The following MKRN1 variants were observed in gnomAD, a reference collection of about 807,000 sequenced individuals.
MKRN1 encodes E3 ubiquitin-protein ligase makorin-1.
A neutral mutation model predicts 55.5 loss-of-function variants in MKRN1; 9 were observed. The observed-to-expected ratio is 0.16, with a 90% CI of 0.10 to 0.28. The LOEUF is 0.28. Among genes scored for constraint, MKRN1 ranks in the 10% least tolerant of loss-of-function variants. The pLI, the probability that MKRN1 is intolerant of heterozygous loss-of-function variation, is 1.00. For synonymous variants in MKRN1, 253 were observed against 235.9 expected (o/e 1.07, Z -0.66); for missense variants, 488 against 626.7 (o/e 0.78, Z 2.36).
chr7:140,463,182 CA>C (rs1487936017), intron 2 of MKRN1, among the ~76,000 whole-genome samples: 1 of 152,188 alleles, frequency 6.6e-6, no homozygotes, highest in South Asian at 2.1e-4. Flanking sequence ...CTATCATCCA[CA>C]AAAACCCAAT....
intron 2 of MKRN1, chr7:140,460,310 CT>C (rs57140647): frequency 0.027 from 3,009 of 112,450 alleles, 42 homozygotes; most frequent in African/African-American, 0.082. Flanking sequence ...TTTTTCTTTT[CT>C]TTTTTTTTTT....
At position 140,457,613 on chromosome 7, in the gene MKRN1, C is replaced by T. The variant is rs1025310993; in HGVS notation, c.772-747G>A. ...GGCGTGGTGGTGCATGCCTGTAGTC[C>T]CAGCTATTCGGGAGGCAGAGGCTGC... is the stretch of plus-strand genomic sequence containing the variant. On this transcript the variant is annotated intron_variant, in intron 4 of 7. Transcript: ENST00000255977. Among the ~76,000 whole-genome samples the T allele has an allele frequency of 9.2e-5, 14 of 151,734 alleles. 1 individual carries two copies. The highest frequency in any genetic ancestry group is 9.2e-4 in the Admixed American group (14 of 15,200).
intron 3 of MKRN1, 47 bp downstream of exon 3, chr7:140,459,660 C>CTGCT: frequency 6.4e-7 from 1 of 1,557,056 alleles, no homozygotes; most frequent in Non-Finnish European, 8.9e-7. Flanking sequence ...AATGGATGAA[C>CTGCT]TGCTATCCAG....
intron 2 of MKRN1, 31 bp downstream of exon 2, chr7:140,471,852 C>T (rs779870354): frequency 1.2e-6 from 2 of 1,608,322 alleles, no homozygotes; most frequent in Admixed American, 3.4e-5. Flanking sequence ...CTCCAACCCA[C>T]CCCTGAACAA....
rs893532974 is a variant in MKRN1 at position 140,467,113 on chromosome 7, G to A, written c.314+4770C>T. Among the ~76,000 whole-genome samples the A allele has an allele frequency of 5.9e-5, 9 of 152,142 alleles. No homozygotes were observed. The Middle Eastern group carries it at 0.01, about 172-fold the overall frequency. ...CTGCCTCAGCTTCCAGAGTAGCTAG[G>A]ATTACAGGCATGCGCCACCATGCTT... On this transcript the variant is annotated intron_variant, in intron 2 of 7. Transcript: ENST00000255977.
chr7:140,460,053 A>G (rs1462696637), intron 2 of MKRN1, 117 bp from the exon 3 acceptor site: 10 of 871,892 alleles, frequency 1.1e-5, no homozygotes, highest in Non-Finnish European at 1.8e-5. Context: ...GTTCGAGACC[A>G]GCCTGGCCAA....
rs191699429 is a variant in MKRN1 at position 140,474,427 on chromosome 7, C to T, written c.186-2416G>A. On this transcript the variant is annotated intron_variant, in intron 1 of 7. Coordinates refer to ENST00000255977, the MANE Select transcript of MKRN1 (RefSeq NM_013446.4). The stretch of plus-strand genomic sequence containing the variant: ...AGGCTGAGGCAGAATTGCTTGAACT[C>T]GCAGTGGGTTGGGGGGGGCCCAGAG... 1.4e-4 allele frequency: 52 copies of T among 367,864 alleles called. No homozygotes were observed. The East Asian group carries it at 4.0e-3, about 28-fold the overall frequency. The allele number at this position is 367,864 out of a possible 1,614,324, so 22.8% of individuals were successfully genotyped here.
At chr7:140,470,700 G>C (rs772211196) in intron 2 of MKRN1, among the ~76,000 whole-genome samples, 7 of 152,166 alleles carry the variant, frequency 4.6e-5, no homozygotes, top group Non-Finnish European at 7.4e-5. Context: ...CAGATCACTT[G>C]AGGTCAGGAG....
At position 140,454,754 on chromosome 7, in the gene MKRN1, G is replaced by A. The variant is rs769954229; in HGVS notation, c.1237-25C>T. The A allele has an allele frequency of 1.1e-5, 17 of 1,601,038 alleles. No homozygotes were observed. The East Asian group carries it at 2.2e-4, about 21-fold the overall frequency. On this transcript the variant is annotated intron_variant, in intron 7 of 7. Transcript: ENST00000255977. ...CCTGTAAAAAACAAGGCCATGATAG[G>A]GATGGCACTGTCGAGCAGTATCTTC...
At position 140,456,734 on chromosome 7, in the gene MKRN1, G is replaced by A. The variant is rs1459792051; in HGVS notation, c.904C>T (p.Leu302Phe). 3 of 1,613,980 alleles carry A rather than the reference G, an allele frequency of 1.9e-6. No individual in the cohort carries two copies. In the African/African-American group the frequency reaches 4.0e-5, roughly 22 times the overall value. Reference protein sequence around the residue: ...ANPSERRFGILSNCNHTYCLK... With the variant: ...ANPSERRFGIFSNCNHTYCLK... Reference sequence around the variant, plus strand: ...CAGTAGGTGTGGTTGCAGTTGGAGAGGATCCCGAAGCGGCGCTCACTGGGG... The same window carrying A: ...CAGTAGGTGTGGTTGCAGTTGGAGAAGATCCCGAAGCGGCGCTCACTGGGG... The change falls in exon 5 of 8, where the codon CTC (leucine) becomes TTC (phenylalanine). Residue 302 changes from leucine to phenylalanine, a missense_variant. By Grantham distance (22) the Leu-to-Phe change is conservative. This residue lies in a region of MKRN1 where 278 missense variants were observed against 406.7 expected (regional missense o/e 0.68). Coordinates refer to ENST00000255977, the MANE Select transcript of MKRN1 (RefSeq NM_013446.4).
intron 7 of MKRN1, 78 bp from the exon 8 acceptor site, chr7:140,454,807 C>G (rs1563085189): frequency 7.0e-7 from 1 of 1,426,200 alleles, no homozygotes; most frequent in Admixed American, 1.8e-5. Context: ...GGCAAAACGT[C>G]CAGCACACCA....
chr7:140,460,192 A>T (rs1315793821), intron 2 of MKRN1: 2 of 398,676 alleles, frequency 5.0e-6, no homozygotes, highest in Non-Finnish European at 4.7e-6. Context: ...GGTTGTGGTG[A>T]GCCGAGATCA....
intron 2 of MKRN1, among the ~76,000 whole-genome samples, chr7:140,470,260 C>A (rs1205955392): frequency 1.3e-5 from 2 of 149,996 alleles, no homozygotes; most frequent in African/African-American, 4.9e-5. Context: ...CCAAAGTCTC[C>A]TGCCAACAGT....
intron 2 of MKRN1, among the ~76,000 whole-genome samples, chr7:140,468,528 C>CT (rs1376451168): frequency 6.6e-6 from 1 of 151,616 alleles, no homozygotes; most frequent in East Asian, 1.9e-4. Context: ...TGGTGAAACC[C>CT]TAACTCTACT....
intron 2 of MKRN1, among the ~76,000 whole-genome samples, chr7:140,460,454 C>T (rs1365720471): frequency 6.6e-6 from 1 of 151,308 alleles, no homozygotes; most frequent in Non-Finnish European, 1.5e-5. Context: ...GGATTACAGG[C>T]GCCAGCCACC....
At chr7:140,478,422 A>G (rs747577739) in intron 1 of MKRN1, 1 of 152,074 alleles carries the variant, frequency 6.6e-6, no homozygotes, top group Non-Finnish European at 1.5e-5. Context: ...CTCCCTTCGG[A>G]AGATGCGTAA....
intron 2 of MKRN1, among the ~76,000 whole-genome samples, chr7:140,468,280 A>G (rs974315723): frequency 1.1e-4 from 16 of 152,106 alleles, no homozygotes; most frequent in African/African-American, 3.6e-4. Context: ...CAGTTCAAGG[A>G]ACACAGCTCC....
chr7:140,479,458 C>A lies in MKRN1; in HGVS notation c.-114G>T. 7 of 1,111,500 alleles carry A rather than the reference C, an allele frequency of 6.3e-6. No individual in the cohort carries two copies. The highest frequency in any genetic ancestry group is 1.6e-5 in the African/African-American group (1 of 61,892). 68.9% of individuals were successfully genotyped at this position (1,111,500 alleles called of 1,614,324 possible). On this transcript the variant is annotated 5_prime_UTR_variant, in exon 1 of 8. Transcript: ENST00000255977. ...CGAGGGGAGGGGAAGGACACTGAGG[C>A]ACCCGTTCGGTCCCCGCCTGCTACG...
chr7:140,469,323 C>CAA (rs759021807), intron 2 of MKRN1, among the ~76,000 whole-genome samples: 2 of 126,946 alleles, frequency 1.6e-5, no homozygotes, highest in African/African-American at 2.9e-5. Context: ...GACTCCATCT[C>CAA]AAAAAAAAAA....
Sources: allele counts gnomAD v4.1 joint callset (sites outside exome capture counted in the v4.1 genomes callset), GRCh38; gene constraint gnomAD v4.1.1; regional missense constraint gnomAD v4.1.1; transcripts MANE v1.5; gene names NCBI Gene and HGNC (gene_info 2026-07-23, HGNC 2026-07-21).